Variants in FAM149A observed in about 807,000 individuals in gnomAD.
FAM149A encodes the protein protein FAM149A.
A neutral mutation model predicts 78.2 loss-of-function variants in FAM149A; 71 were observed. That is an observed-to-expected ratio of 0.91 (90% confidence interval 0.75 to 1.11). The LOEUF (loss-of-function observed/expected upper bound fraction) is 1.11, where lower values mean the gene tolerates loss of function less well. Ranked by LOEUF, FAM149A falls within the 50% of genes least tolerant of loss-of-function variation. FAM149A has a pLI of 0.00. For missense variants in FAM149A, 1,036 were observed against 971.0 expected (o/e 1.07, Z -0.89); for synonymous variants, 446 against 410.5 (o/e 1.09, Z -1.04).
In FAM149A at chr4:186,164,376, C is replaced by A; in HGVS notation, c.1889+743C>A. 1.4e-6 allele frequency: 1 copy of A among 691,052 alleles called. No individual in the cohort carries two copies. Among genetic ancestry groups the A allele is most frequent in the Non-Finnish European group, 1.8e-6 (1 of 561,120 alleles). The allele number at this position is 691,052 out of a possible 1,614,324, so 42.8% of individuals were successfully genotyped here. ...GCCCAGCCGGACACACCCACAAGTGCTCTCAGGCTTTAGAGACCACCCACT... is the reference window on the plus strand; with the variant it reads ...GCCCAGCCGGACACACCCACAAGTGATCTCAGGCTTTAGAGACCACCCACT... On this transcript the variant is annotated intron_variant, in intron 10 of 13. Transcript: ENST00000389354. The surrounding 1 kb of genome is among the most constrained non-coding windows in gnomAD (Gnocchi z 4.0).
At chr4:186,113,912 A>C (rs2099312375) in intron 1 of FAM149A, among the ~76,000 whole-genome samples, 1 of 151,972 alleles carries the variant, frequency 6.6e-6, no homozygotes, top group African/African-American at 2.4e-5. Flanking sequence ...TAATAGGTCC[A>C]CTTGGTGCAG....
chr4:186,158,116 G>A, intron 8 of FAM149A: 1 of 1,313,388 alleles, frequency 7.6e-7, no homozygotes, highest in Non-Finnish European at 1.0e-6. Context: ...CCCTGCTGAG[G>A]TCCCTGTCTT....
At position 186,160,780 on chromosome 4, in the gene FAM149A, C is replaced by CA. The variant is rs963159712; in HGVS notation, c.1576-2065_1576-2064insA. On this transcript the variant is annotated intron_variant, in intron 8 of 13. Transcript: ENST00000389354. ...CACACACACACCACATCACACCACA[C>CA]CACACACACACACACACACACATCT... 1.2e-5 allele frequency: 11 copies of CA among 924,842 alleles called. No individual in the cohort carries two copies. The African/African-American group carries it at 1.8e-4, about 15-fold the overall frequency. 57.3% of individuals were successfully genotyped at this position (924,842 alleles called of 1,614,324 possible).
chr4:186,156,886 G>A (rs1037538482), intron 7 of FAM149A, among the ~76,000 whole-genome samples: 18 of 103,644 alleles, frequency 1.7e-4, no homozygotes, highest in Non-Finnish European at 3.6e-4. Flanking sequence ...GAGATGGGAG[G>A]ACCCCTTGAG....
rs1171891571 is a variant in FAM149A, at chr4:186,144,805, G to GGGA, written c.567-4359_567-4357dup. On this transcript the variant is annotated intron_variant, in intron 1 of 13. Coordinates refer to ENST00000389354, the MANE Select transcript of FAM149A (RefSeq NM_001367768.3). This position sits in a 1 kb window ranked among gnomAD's most constrained non-coding sequence, Gnocchi z 4.2. ...AGCTGGCGGGCGAGGGCGCAGCGCA[G>GGGA]GGAGGAGGAGGGGAGGCGGCGCCGG... 1 of 982,180 alleles carries GGGA rather than the reference G, an allele frequency of 1.0e-6. No homozygotes were observed. Among genetic ancestry groups the GGGA allele is most frequent in the Non-Finnish European group, 1.2e-6 (1 of 827,442 alleles). 60.8% of individuals were successfully genotyped at this position (982,180 alleles called of 1,614,324 possible). A position where few individuals can be genotyped will look rare whatever the true frequency, so the allele number is the denominator to read the frequency against.
intron 1 of FAM149A, among the ~76,000 whole-genome samples, chr4:186,126,535 C>G (rs899761584): frequency 6.6e-6 from 1 of 152,190 alleles, no homozygotes; most frequent in African/African-American, 2.4e-5. Flanking sequence ...GGCGAATTCT[C>G]TTCTTCTTGA....
chr4:186,125,904 T>A (rs1394777913), intron 1 of FAM149A: 1 of 985,234 alleles, frequency 1.0e-6, no homozygotes, highest in East Asian at 1.1e-4. Context: ...GCACCCTCTC[T>A]GTGTCCTGCA....
chr4:186,113,970 A>G (rs1269341948), intron 1 of FAM149A, among the ~76,000 whole-genome samples: 1 of 150,562 alleles, frequency 6.6e-6, no homozygotes, highest in Non-Finnish European at 1.5e-5. Flanking sequence ...TGTCTCGTTG[A>G]TCTGTCTAAT....
Position 186,124,438 on chromosome 4 carries a change from G to A in FAM149A, c.566+18796G>A, listed in dbSNP as rs552749084. Among the ~76,000 whole-genome samples the A allele has an allele frequency of 7.1e-4, 84 of 118,464 alleles. 2 individuals are homozygous for A. The highest frequency in any genetic ancestry group is 4.8e-3 in the Admixed American group (52 of 10,880). 77.7% of individuals were successfully genotyped at this position (118,464 alleles called of 152,430 possible). On this transcript the variant is annotated intron_variant, in intron 1 of 13. Coordinates refer to ENST00000389354, the MANE Select transcript of FAM149A (RefSeq NM_001367768.3). The stretch of plus-strand genomic sequence containing the variant: ...TCCCCCCCACCCCACAACAGGCCCC[G>A]GTGTGTGATGTTCCCCTTCCTGTGT...
intron 10 of FAM149A, 36 bp from the exon 11 acceptor site, chr4:186,165,308 T>C: frequency 1.2e-6 from 2 of 1,613,496 alleles, no homozygotes; most frequent in Non-Finnish European, 1.7e-6. Flanking sequence ...GTTATCCATG[T>C]ACCTGGGTGC....
At chr4:186,159,207 T>A (rs1050881005) in intron 8 of FAM149A, among the ~76,000 whole-genome samples, 2 of 151,792 alleles carry the variant, frequency 1.3e-5, no homozygotes, top group Non-Finnish European at 1.5e-5. Flanking sequence ...ACAAAAGCCG[T>A]GACACAGGGT....
chr4:186,161,012 C>T lies in FAM149A; in HGVS notation c.1576-1833C>T, dbSNP rs146636164. 5.2e-4 allele frequency: 136 copies of T among 263,232 alleles called. 1 individual carries two copies. The highest frequency in any genetic ancestry group is 3.0e-3 in the African/African-American group (131 of 43,428). 16.3% of individuals were successfully genotyped at this position (263,232 alleles called of 1,614,324 possible). On this transcript the variant is annotated intron_variant, in intron 8 of 13. Transcript: ENST00000389354. ...TGTGTAGTGTCTGGTGTAGAGTGGA[C>T]GTTCAATAAGTGTTACCTTTTGTTA...
At chr4:186,133,778 C>G (rs1282352028) in intron 1 of FAM149A, among the ~76,000 whole-genome samples, 1 of 152,162 alleles carries the variant, frequency 6.6e-6, no homozygotes, top group Non-Finnish European at 1.5e-5. Flanking sequence ...GCCTCAGCCT[C>G]CCAGAGTACC....
At chr4:186,139,124 G>A (rs2099324733) in intron 1 of FAM149A, among the ~76,000 whole-genome samples, 1 of 152,148 alleles carries the variant, frequency 6.6e-6, no homozygotes, top group Non-Finnish European at 1.5e-5. Context: ...TCTAGCTTTA[G>A]CCATTTGGGG....
rs191849868 is a variant in FAM149A, at chr4:186,149,391, A to G, written c.677+108A>G. The G allele has an allele frequency of 9.7e-5, 112 of 1,150,734 alleles. 4 individuals carry two copies. The African/African-American group carries it at 1.3e-3, about 13-fold the overall frequency. The allele number at this position is 1,150,734 out of a possible 1,614,324, so 71.3% of individuals were successfully genotyped here. On this transcript the variant is annotated intron_variant, in intron 2 of 13. Coordinates refer to ENST00000389354, the MANE Select transcript of FAM149A (RefSeq NM_001367768.3). The stretch of plus-strand genomic sequence containing the variant: ...ATTTCTAAAAGTAAGATGCAGTTTT[A>G]TTTTTAACCTAGTGTAAACATCACA...
intron 1 of FAM149A, chr4:186,126,831 CTG>C (rs1459809271): frequency 1.1e-6 from 1 of 948,392 alleles, no homozygotes; most frequent in Non-Finnish European, 1.3e-6. Context: ...GTGTATGTCT[CTG>C]TATCTTATTG....
chr4:186,133,090 T>C (rs2099321436), intron 1 of FAM149A: 1 of 985,310 alleles, frequency 1.0e-6, no homozygotes, highest in Non-Finnish European at 1.2e-6. Flanking sequence ...TCCCTAGGCA[T>C]TCACTGGTGG....
intron 1 of FAM149A, among the ~76,000 whole-genome samples, chr4:186,120,844 T>C (rs942268159): frequency 1.3e-5 from 1 of 75,508 alleles, no homozygotes; most frequent in Non-Finnish European, 2.6e-5. Context: ...CTCAAAATAA[T>C]ATTCTTTTTT....
rs1735659823 is a variant in FAM149A at position 186,174,273 on chromosome 4, C to T, written c.*2286C>T. On this transcript the variant is annotated 3_prime_UTR_variant, in exon 14 of 14. Coordinates refer to ENST00000389354, the MANE Select transcript of FAM149A (RefSeq NM_001367768.3). ...TGATAGGCCCTAGTGTGTGCTGTTC[C>T]CCTCTGTGTCCATGTGTTCTCATCA... Among the ~76,000 whole-genome samples the T allele has an allele frequency of 1.8e-5, 2 of 110,130 alleles. 1 individual carries two copies. Among genetic ancestry groups the T allele is most frequent in the African/African-American group, 5.7e-5 (2 of 35,136 alleles). 72.2% of individuals were successfully genotyped at this position (110,130 alleles called of 152,430 possible).
Sources: allele counts gnomAD v4.1 joint callset (sites outside exome capture counted in the v4.1 genomes callset), GRCh38; gene constraint gnomAD v4.1.1; non-coding constraint Gnocchi (gnomAD v3.1); transcripts MANE v1.5; gene names NCBI Gene and HGNC (gene_info 2026-07-23, HGNC 2026-07-21).